PSG1: variants seen among roughly 807,000 people sequenced by gnomAD.
PSG1 encodes the protein pregnancy-specific beta-1-glycoprotein 1.
Under a neutral mutation model 41.4 loss-of-function variants are expected in PSG1, and 60 were observed. That is an observed-to-expected ratio of 1.45 (90% CI 1.18 to 1.80). The LOEUF (loss-of-function observed/expected upper bound fraction) is 1.80, where lower values mean the gene tolerates loss of function less well. Ranked by LOEUF, PSG1 falls within the 40% of genes most tolerant of loss-of-function variation. The pLI, the probability that PSG1 is intolerant of heterozygous loss-of-function variation, is 0.00. For missense variants in PSG1, 806 were observed against 516.9 expected, an observed-to-expected ratio of 1.56 and a Z score of -5.42; for synonymous variants, 256 against 192.9, an observed-to-expected ratio of 1.33 and a Z score of -2.71.
At position 42,871,917 on chromosome 19, in the gene PSG1, G is replaced by A. The variant is rs2122518016; in HGVS notation, c.559C>T (p.Leu187Phe). The change falls in exon 3 of 6, where the codon CTC (leucine) becomes TTC (phenylalanine). Residue 187 changes from leucine to phenylalanine, a missense_variant. Transcript: ENST00000436291. ...SYLWWMNGQS[L>F]PMTHSLKLSE... ...AGCTTCAAGCTGTGAGTCATAGGGA[G>A]GCTCTGACCATTCATCCACCACAGG... is the stretch of plus-strand genomic sequence containing the variant. The A allele has an allele frequency of 1.2e-6, 2 of 1,612,470 alleles. No homozygotes were observed. The highest frequency in any genetic ancestry group is 4.5e-5 in the East Asian group (2 of 44,778).
intron 2 of PSG1, among the ~76,000 whole-genome samples, chr19:42,872,573 C>A (rs1355253611): frequency 6.6e-6 from 1 of 151,592 alleles, no homozygotes; most frequent in Non-Finnish European, 1.5e-5. Flanking sequence ...ACAGGGGAGA[C>A]CAGAGTCAAG....
intron 1 of PSG1, among the ~76,000 whole-genome samples, chr19:42,879,157 CTTTTTT>C (rs58030325): frequency 2.1e-5 from 3 of 139,642 alleles, no homozygotes; most frequent in Non-Finnish European, 3.1e-5. Context: ...TTTCTTTTTT[CTTTTTT>C]TTTTTTTGAG....
intron 1 of PSG1, 127 bp from the exon 2 acceptor site, chr19:42,878,405 A>G (rs1318254639): frequency 2.3e-6 from 3 of 1,321,264 alleles, no homozygotes; most frequent in Admixed American, 2.5e-5. Flanking sequence ...ACACACATAC[A>G]AACACACACA....
intron 1 of PSG1, chr19:42,878,486 G>C: frequency 3.4e-6 from 3 of 885,152 alleles, no homozygotes; most frequent in Non-Finnish European, 4.8e-6. Context: ...GTCCTACTAG[G>C]TCAAGGTCAG....
chr19:42,869,320 T>C lies in PSG1; in HGVS notation c.710-286A>G, dbSNP rs1302402784. The C allele has an allele frequency of 8.0e-5, 49 of 610,900 alleles. 2 individuals carry two copies. Among genetic ancestry groups the C allele is most frequent in the Admixed American group, 1.4e-4 (4 of 29,480 alleles). The allele number at this position is 610,900 out of a possible 1,614,324, so 37.8% of individuals were successfully genotyped here. The stretch of plus-strand genomic sequence containing the variant: ...GTGGGAGTCACAGCCCCTGGTACCC[T>C]TCCCAGGCCCTCCCTAATCAGTTGA... On this transcript the variant is annotated intron_variant, in intron 3 of 5. Transcript: ENST00000436291.
chr19:42,873,643 C>T (rs1971485854), intron 2 of PSG1, among the ~76,000 whole-genome samples: 1 of 151,628 alleles, frequency 6.6e-6, no homozygotes, highest in Non-Finnish European at 1.5e-5. Context: ...TCACGTTATG[C>T]TCAAAGAAAG....
Position 42,879,017 on chromosome 19 carries a change from G to A in PSG1, c.64+501C>T, listed in dbSNP as rs555652071. Among the ~76,000 whole-genome samples the A allele has an allele frequency of 1.9e-3, 289 of 151,698 alleles. 3 individuals are homozygous for A. The highest frequency in any genetic ancestry group is 6.8e-3 in the African/African-American group (281 of 41,384). Reference sequence around the variant, plus strand: ...ATGGTGGCCCCTGATGATTAATCAGGAAAACAGAACACTTAAGATTTTCCT... The same window carrying A: ...ATGGTGGCCCCTGATGATTAATCAGAAAAACAGAACACTTAAGATTTTCCT... On this transcript the variant is annotated intron_variant, in intron 1 of 5. Transcript: ENST00000436291.
intron 2 of PSG1, among the ~76,000 whole-genome samples, chr19:42,875,967 G>A (rs914057483): frequency 2.6e-5 from 4 of 151,066 alleles, no homozygotes; most frequent in Admixed American, 2.0e-4. Flanking sequence ...GGAATACAGT[G>A]GAAGGTCATT....
chr19:42,876,377 G>C (rs1157403601), intron 2 of PSG1, among the ~76,000 whole-genome samples: 1 of 151,406 alleles, frequency 6.6e-6, no homozygotes, highest in Non-Finnish European at 1.5e-5. Flanking sequence ...ACATGAGGTG[G>C]GGTGGCTTTA....
Position 42,879,687 on chromosome 19 carries a change from C to T in PSG1, c.-106G>A, listed in dbSNP as rs1600522934. The T allele has an allele frequency of 4.0e-6, 6 of 1,509,916 alleles. No individual in the cohort carries two copies. The East Asian group carries it at 1.4e-4, about 35-fold the overall frequency. The allele number at this position is 1,509,916 out of a possible 1,614,324, so 93.5% of individuals were successfully genotyped here. ...CTGTCCTTCCTCTTTCTGTGCTGAG[C>T]CTCTTCCCAGGGCAGGAGCAATTCT... On this transcript the variant is annotated 5_prime_UTR_variant, in exon 1 of 6. Transcript: ENST00000436291.
At position 42,867,835 on chromosome 19, in the gene PSG1, A is replaced by T; in HGVS notation, c.1243+266T>A. 1.3e-5 allele frequency: 17 copies of T among 1,308,180 alleles called. 2 individuals are homozygous for T. Among genetic ancestry groups the T allele is most frequent in the East Asian group, 4.9e-5 (2 of 41,156 alleles). 81.0% of individuals were successfully genotyped at this position (1,308,180 alleles called of 1,614,324 possible). A position where few individuals can be genotyped will look rare whatever the true frequency, so the allele number is the denominator to read the frequency against. On this transcript the variant is annotated intron_variant, in intron 5 of 5. Coordinates refer to ENST00000436291, the MANE Select transcript of PSG1 (RefSeq NM_001184825.2). ...AAATTTTCAAATAAAAATCATAAAAACATTATCTTCATTATTATCAATTAT... is the reference window on the plus strand; with the variant it reads ...AAATTTTCAAATAAAAATCATAAAATCATTATCTTCATTATTATCAATTAT...
In PSG1 at chr19:42,879,652, G is replaced by C. The variant is rs1064471; in HGVS notation, c.-71C>G. 1.3e-6 allele frequency: 2 copies of C among 1,583,848 alleles called. No individual in the cohort carries two copies. Among genetic ancestry groups the C allele is most frequent in the Non-Finnish European group, 1.7e-6 (2 of 1,160,192 alleles). Reference sequence around the variant, plus strand: ...ATCCAGAAACTCTCTGAGCACGGCTGTCAGCTGTGCTGTCCTTCCTCTTTC... The same window carrying C: ...ATCCAGAAACTCTCTGAGCACGGCTCTCAGCTGTGCTGTCCTTCCTCTTTC... On this transcript the variant is annotated 5_prime_UTR_variant, in exon 1 of 6. Transcript: ENST00000436291.
At chr19:42,874,202 G>A (rs1344229240) in intron 2 of PSG1, 2 of 151,626 alleles carry the variant, frequency 1.3e-5, no homozygotes, top group Non-Finnish European at 2.9e-5. Flanking sequence ...AGTTGAATAT[G>A]TTGTTCCACT....
At chr19:42,874,689 T>G (rs1971532178) in intron 2 of PSG1, among the ~76,000 whole-genome samples, 1 of 151,702 alleles carries the variant, frequency 6.6e-6, no homozygotes, top group Non-Finnish European at 1.5e-5. Context: ...TTGTTCAGCT[T>G]TTTACTTAGT....
intron 1 of PSG1, 92 bp from the exon 2 acceptor site, chr19:42,878,370 C>A: frequency 8.1e-6 from 12 of 1,480,964 alleles, no homozygotes; most frequent in Non-Finnish European, 1.0e-5. Context: ...CTCTTCAGTC[C>A]TCAGCCTTGA....
At chr19:42,879,204 A>G (rs954045414) in intron 1 of PSG1, among the ~76,000 whole-genome samples, 5 of 145,712 alleles carry the variant, frequency 3.4e-5, no homozygotes, top group South Asian at 2.2e-4. Flanking sequence ...CCAGGCTGGC[A>G]TGCGGTGGTG....
At chr19:42,878,434 C>G (rs565856065) in intron 1 of PSG1, 156 bp from the exon 2 acceptor site, 2 of 1,268,566 alleles carry the variant, frequency 1.6e-6, no homozygotes, top group Non-Finnish European at 2.1e-6. Context: ...CACACAAAAG[C>G]GGCATGTGTG....
chr19:42,874,008 A>G (rs1329028386), intron 2 of PSG1: 1 of 151,618 alleles, frequency 6.6e-6, no homozygotes, highest in African/African-American at 2.4e-5. Context: ...AAATGACATC[A>G]TCATGAGGAA....
At chr19:42,878,776 G>C (rs112265772) in intron 1 of PSG1, among the ~76,000 whole-genome samples, 1 of 150,298 alleles carries the variant, frequency 6.7e-6, no homozygotes, top group Admixed American at 6.7e-5. Flanking sequence ...CGTGAGCTCC[G>C]TGAAGACAGG....
Sources: gnomAD v4.1 joint callset for allele counts (sites outside exome capture counted in the v4.1 genomes callset) on GRCh38, gnomAD v4.1.1 for gene constraint, MANE v1.5 for transcripts, NCBI Gene and HGNC (gene_info 2026-07-23, HGNC 2026-07-21) for gene names.